Variants in RORA observed in about 807,000 individuals in gnomAD.
RORA encodes the protein nuclear receptor ROR-alpha.
A neutral mutation model predicts 69.5 loss-of-function variants in RORA; 7 were observed. That is an observed-to-expected ratio of 0.10 (90% CI 0.06 to 0.19). RORA has a LOEUF of 0.19. Ranked by LOEUF, RORA falls within the 10% of genes least tolerant of loss-of-function variation. The probability of loss-of-function intolerance (pLI) is 1.00; values close to 1 mark genes in which losing one functional copy is unlikely to be tolerated. For synonymous variants in RORA, 261 were observed against 240.8 expected (o/e 1.08, Z -0.78); for missense variants, 457 against 663.0 (o/e 0.69, Z 3.41).
intron 1 of RORA, among the ~76,000 whole-genome samples, chr15:61,032,239 C>T (rs1896209505): frequency 6.6e-6 from 1 of 152,158 alleles, no homozygotes; most frequent in Non-Finnish European, 1.5e-5. Flanking sequence ...ACCATTTGTA[C>T]AGATCCCTTA....
At chr15:60,947,309 A>G (rs1282986010) in intron 1 of RORA, among the ~76,000 whole-genome samples, 1 of 151,934 alleles carries the variant, frequency 6.6e-6, no homozygotes, top group Admixed American at 6.5e-5. Flanking sequence ...CTGTGTGGAA[A>G]GAGGTAGACA....
At chr15:60,601,058 G>A (rs1158225515) in intron 2 of RORA, 1 of 152,118 alleles carries the variant, frequency 6.6e-6, no homozygotes, top group Non-Finnish European at 1.5e-5. Context: ...AAAAATCCAG[G>A]TACACTGATT....
intron 1 of RORA, among the ~76,000 whole-genome samples, chr15:61,114,953 G>A (rs746799049): frequency 4.6e-5 from 7 of 152,182 alleles, no homozygotes; most frequent in African/African-American, 7.2e-5. Flanking sequence ...CATTTAAAAC[G>A]CTGACTAGTT....
chr15:60,860,453 T>C (rs2073426441), intron 1 of RORA, among the ~76,000 whole-genome samples: 1 of 152,278 alleles, frequency 6.6e-6, no homozygotes, highest in Admixed American at 6.5e-5. Context: ...GAGAATGAAG[T>C]GTATTTGACC....
chr15:60,667,166 T>C (rs1191306661), intron 2 of RORA, among the ~76,000 whole-genome samples: 1 of 152,190 alleles, frequency 6.6e-6, no homozygotes. Context: ...AAGACTGGGC[T>C]CTCTTCCCTA....
intron 1 of RORA, among the ~76,000 whole-genome samples, chr15:61,137,099 G>GA (rs1379240849): frequency 2.1e-5 from 3 of 144,948 alleles, no homozygotes; most frequent in South Asian, 2.3e-4. Flanking sequence ...AAGAAAGAAA[G>GA]AAAAAAGCAA....
chr15:60,987,872 G>A (rs141384708), intron 1 of RORA, among the ~76,000 whole-genome samples: 92 of 152,306 alleles, frequency 6.0e-4, no homozygotes, highest in African/African-American at 1.7e-3. Flanking sequence ...GCTAGCAACT[G>A]GCACTCTGAT....
chr15:60,553,223 G>A (rs1392943198), intron 2 of RORA, among the ~76,000 whole-genome samples: 2 of 152,144 alleles, frequency 1.3e-5, no homozygotes, highest in Non-Finnish European at 2.9e-5. Flanking sequence ...TCTGAACCAG[G>A]AATTACTGCT....
chr15:60,994,173 A>G (rs1391379670), intron 1 of RORA, among the ~76,000 whole-genome samples: 1 of 152,202 alleles, frequency 6.6e-6, no homozygotes, highest in Non-Finnish European at 1.5e-5. Context: ...TGGTTATCTA[A>G]GCTGTGTGGC....
At chr15:60,756,671 A>T (rs756994920) in intron 1 of RORA, among the ~76,000 whole-genome samples, 22 of 152,196 alleles carry the variant, frequency 1.4e-4, no homozygotes, top group Non-Finnish European at 2.2e-4. Context: ...ACTAGAAATA[A>T]ACAAAGAATA....
chr15:60,682,088 TTTTC>T (rs2070650870), intron 1 of RORA: 6 of 152,352 alleles, frequency 3.9e-5, no homozygotes, highest in African/African-American at 1.4e-4. Flanking sequence ...GTTACTTAAC[TTTTC>T]TAGTCCTGAA....
chr15:61,059,986 G>T (rs933148686), intron 1 of RORA, among the ~76,000 whole-genome samples: 1 of 111,924 alleles, frequency 8.9e-6, no homozygotes, highest in African/African-American at 3.5e-5. Context: ...GGAAGAGGAA[G>T]AGGAAGAAGA....
In RORA at chr15:61,101,455, C is replaced by T. The variant is rs181679331; in HGVS notation, c.166+127598G>A. ...CTGGGAACAAGATGTGCAAGGGCCC[C>T]GAGGTAGGGAAGAGCATGATACATT... On this transcript the variant is annotated intron_variant, in intron 1 of 10. Coordinates refer to ENST00000335670, the MANE Select transcript of RORA (RefSeq NM_134261.3). 2.3e-3 allele frequency among the ~76,000 whole-genome samples: 343 copies of T among 152,018 alleles called. 1 individual carries two copies. Among genetic ancestry groups the T allele is most frequent in the African/African-American group, 7.6e-3 (317 of 41,458 alleles).
intron 1 of RORA, among the ~76,000 whole-genome samples, chr15:61,200,360 A>T (rs887319489): frequency 2.0e-5 from 3 of 152,202 alleles, no homozygotes; most frequent in African/African-American, 7.2e-5. Flanking sequence ...AGGCAAAGGC[A>T]TGCAGAGTGG....
intron 1 of RORA, among the ~76,000 whole-genome samples, chr15:61,158,883 A>G (rs2079469386): frequency 6.6e-6 from 1 of 152,320 alleles, no homozygotes; most frequent in African/African-American, 2.4e-5. Context: ...CGCAAGGAAA[A>G]GTACATTGGG....
chr15:60,888,485 TACACATGCAAACAC>T (rs2073776663), intron 1 of RORA, among the ~76,000 whole-genome samples: 2 of 152,184 alleles, frequency 1.3e-5, no homozygotes, highest in South Asian at 4.2e-4. Flanking sequence ...CACGCACATA[TACACATGCAAACAC>T]ACACATGCAC....
At chr15:60,538,490 C>T (rs373879570) in intron 2 of RORA, among the ~76,000 whole-genome samples, 1 of 79,050 alleles carries the variant, frequency 1.3e-5, no homozygotes, top group South Asian at 2.9e-4. Flanking sequence ...TGTCCTATTA[C>T]CCATATCCAG....
chr15:60,528,914 C>T (rs914918886), intron 3 of RORA: 1 of 152,180 alleles, frequency 6.6e-6, no homozygotes, highest in African/African-American at 2.4e-5. Flanking sequence ...AGTCTGGTTC[C>T]AGAGTCAGAG....
intron 1 of RORA, among the ~76,000 whole-genome samples, chr15:61,055,870 G>T (rs1253891662): frequency 3.9e-5 from 6 of 152,196 alleles, no homozygotes; most frequent in African/African-American, 7.2e-5. Context: ...TCTTCATCCA[G>T]CAGAGTAAAT....
Sources: gnomAD v4.1 joint callset for allele counts (sites outside exome capture counted in the v4.1 genomes callset) on GRCh38, gnomAD v4.1.1 for gene constraint, MANE v1.5 for transcripts, NCBI Gene and HGNC (gene_info 2026-07-23, HGNC 2026-07-21) for gene names.